The following ARHGEF9 variants were observed in gnomAD, a reference collection of about 807,000 sequenced individuals.
The protein encoded by ARHGEF9 is rho guanine nucleotide exchange factor 9.
Under a neutral mutation model 41.3 loss-of-function variants are expected in ARHGEF9, and 2 were observed. The ratio of observed to expected loss-of-function variants is 0.05; its 90% CI spans 0.02 to 0.15. The LOEUF (loss-of-function observed/expected upper bound fraction) is 0.15. Among genes scored for constraint, ARHGEF9 ranks in the 10% least tolerant of loss-of-function variants. The probability of loss-of-function intolerance (pLI) is 1.00; values close to 1 mark genes in which losing one functional copy is unlikely to be tolerated. For synonymous variants in ARHGEF9, 160 were observed against 154.4 expected, an observed-to-expected ratio of 1.04 and a Z score of -0.27; for missense variants, 225 against 424.7, an observed-to-expected ratio of 0.53 and a Z score of 4.13.
chrX:63,770,658 A>G (rs1187396337), intron 1 of ARHGEF9, among the ~76,000 whole-genome samples: 20 of 112,027 alleles, frequency 1.8e-4, no homozygotes, highest in African/African-American at 5.8e-4. Flanking sequence ...TAAAATTGTA[A>G]TAATCCCTAC....
chrX:63,694,419 A>G (rs1177886934), intron 4 of ARHGEF9, among the ~76,000 whole-genome samples: 12 of 112,466 alleles, frequency 1.1e-4, no homozygotes, highest in African/African-American at 3.6e-4. Context: ...GAATGTTCAT[A>G]GCAGCTTTAT....
intron 1 of ARHGEF9, among the ~76,000 whole-genome samples, chrX:63,766,070 C>T (rs1372503020): frequency 8.9e-6 from 1 of 112,390 alleles, no homozygotes; most frequent in Non-Finnish European, 1.9e-5. Context: ...GAATGTAAAA[C>T]TACCATATTA....
Position 63,785,150 on chromosome X carries a change from C to T in ARHGEF9, c.-5G>A. ...TCCGCCCCTTATCCACTGCATGGTG[C>T]TTGCGAAGTCCGGCTTCTCTGAGGC... On this transcript the variant is annotated 5_prime_UTR_variant, in exon 1 of 10. Transcript: ENST00000671741. 1 of 1,164,834 alleles carries T rather than the reference C, an allele frequency of 8.6e-7. No individual in the cohort carries two copies. Among genetic ancestry groups the T allele is most frequent in the Non-Finnish European group, 1.1e-6 (1 of 871,605 alleles).
chrX:63,650,954 C>A (rs1192167765), intron 8 of ARHGEF9, among the ~76,000 whole-genome samples: 1 of 108,525 alleles, frequency 9.2e-6, no homozygotes, highest in East Asian at 2.9e-4. Context: ...ATTAAAAATC[C>A]AGAGGAAATG....
chrX:63,709,851 C>T (rs2052794914), intron 2 of ARHGEF9, among the ~76,000 whole-genome samples: 1 of 111,449 alleles, frequency 9.0e-6, no homozygotes, highest in Non-Finnish European at 1.9e-5. Context: ...TCAAAAACTT[C>T]AGCAACAGTA....
At chrX:63,773,915 A>G in intron 1 of ARHGEF9, among the ~76,000 whole-genome samples, 1 of 110,452 alleles carries the variant, frequency 9.1e-6, no homozygotes, top group Non-Finnish European at 1.9e-5. Flanking sequence ...CATTCACACC[A>G]TCAGTTCTTC....
At chrX:63,650,789 T>A (rs1556328011) in intron 8 of ARHGEF9, among the ~76,000 whole-genome samples, 1 of 109,613 alleles carries the variant, frequency 9.1e-6, no homozygotes, top group African/African-American at 3.3e-5. Flanking sequence ...TATATATACA[T>A]AAAAAAGATC....
Position 63,754,219 on chromosome X carries a change from A to G in ARHGEF9, c.31-29508T>C, listed in dbSNP as rs782341756. The G allele has an allele frequency of 5.8e-6, 6 of 1,038,573 alleles. No homozygotes were observed. In the African/African-American group the frequency reaches 7.5e-5, roughly 13 times the overall value. The allele number at this position is 1,038,573 out of a possible 1,213,427, so 85.6% of individuals were successfully genotyped here. A position where few individuals can be genotyped will look rare whatever the true frequency, so the allele number is the denominator to read the frequency against. On this transcript the variant is annotated intron_variant, in intron 1 of 9. Coordinates refer to ENST00000671741, the MANE Select transcript of ARHGEF9 (RefSeq NM_001353921.2). ...AATAGAAAGCATTTCTTCATCAACAATTTCACTCAAGCAATAGGCAACTAT... is the reference window on the plus strand; with the variant it reads ...AATAGAAAGCATTTCTTCATCAACAGTTTCACTCAAGCAATAGGCAACTAT...
At chrX:63,714,234 C>G (rs189773385) in intron 2 of ARHGEF9, among the ~76,000 whole-genome samples, 41 of 111,447 alleles carry the variant, frequency 3.7e-4, no homozygotes, top group African/African-American at 1.3e-3. Flanking sequence ...CCTTCTAAAG[C>G]CTGCCCCCTA....
chrX:63,685,527 G>C (rs782045082), intron 4 of ARHGEF9, among the ~76,000 whole-genome samples: 1 of 111,798 alleles, frequency 8.9e-6, no homozygotes, highest in East Asian at 2.8e-4. Flanking sequence ...TTTTGAAAAA[G>C]AACTAAGTTG....
chrX:63,772,802 CTG>C (rs2056226331), intron 1 of ARHGEF9, among the ~76,000 whole-genome samples: 1 of 111,729 alleles, frequency 9.0e-6, no homozygotes, highest in African/African-American at 3.3e-5. Flanking sequence ...CCCTCTCTCA[CTG>C]TGTCAGTAAC....
chrX:63,657,166 T>G (rs2048926449), intron 7 of ARHGEF9: 2 of 112,500 alleles, frequency 1.8e-5, no homozygotes, highest in Non-Finnish European at 1.9e-5. Context: ...CTGCTTTATC[T>G]GCTCTTTCAG....
intron 1 of ARHGEF9, among the ~76,000 whole-genome samples, chrX:63,782,958 C>T (rs782804812): frequency 1.1e-4 from 12 of 112,738 alleles, no homozygotes; most frequent in Admixed American, 9.4e-4. Flanking sequence ...CTACTCCCAT[C>T]TCTTGAATTC....
chrX:63,751,722 A>G (rs1279073570), intron 1 of ARHGEF9, among the ~76,000 whole-genome samples: 2 of 112,063 alleles, frequency 1.8e-5, no homozygotes, highest in East Asian at 5.7e-4. Flanking sequence ...CCATCCCAGC[A>G]TTTGTGAAAT....
At position 63,754,433 on chromosome X, in the gene ARHGEF9, C is replaced by T. The variant is rs781918462; in HGVS notation, c.31-29722G>A. 6.0e-6 allele frequency: 7 copies of T among 1,161,135 alleles called. No individual in the cohort carries two copies. The South Asian group carries it at 1.4e-4, about 24-fold the overall frequency. ...ATTTTTTTTTTTTCTCGGTGGCTCT[C>T]GGGATGAAATCAAAGCGAGAGTTCG... On this transcript the variant is annotated intron_variant, in intron 1 of 9. Coordinates refer to ENST00000671741, the MANE Select transcript of ARHGEF9 (RefSeq NM_001353921.2).
intron 6 of ARHGEF9, among the ~76,000 whole-genome samples, chrX:63,668,594 A>C (rs2049732344): frequency 8.9e-6 from 1 of 112,272 alleles, no homozygotes; most frequent in Admixed American, 9.5e-5. Flanking sequence ...GGATAATAAC[A>C]GTACCAACTT....
At chrX:63,655,974 A>G (rs1162247613) in intron 7 of ARHGEF9, among the ~76,000 whole-genome samples, 24 of 112,133 alleles carry the variant, frequency 2.1e-4, no homozygotes. Flanking sequence ...CACCAGAATC[A>G]ATCCTTGGAC....
intron 1 of ARHGEF9, among the ~76,000 whole-genome samples, chrX:63,771,595 C>T (rs2056206066): frequency 9.1e-6 from 1 of 110,137 alleles, no homozygotes; most frequent in Admixed American, 9.7e-5. Flanking sequence ...GAGACAGAGT[C>T]TCATTCCATC....
rs782292224 is a variant in ARHGEF9 at position 63,655,350 on chromosome X, G to T, written c.1321+144C>A. 2.1e-5 allele frequency: 19 copies of T among 889,560 alleles called. No homozygotes were observed. The highest frequency in any genetic ancestry group is 5.1e-5 in the Admixed American group (2 of 39,456). The allele number at this position is 889,560 out of a possible 1,213,427, so 73.3% of individuals were successfully genotyped here. A position where few individuals can be genotyped will look rare whatever the true frequency, so the allele number is the denominator to read the frequency against. On this transcript the variant is annotated intron_variant, in intron 8 of 9. Coordinates refer to ENST00000671741, the MANE Select transcript of ARHGEF9 (RefSeq NM_001353921.2). ...GGAAGCTATTGGTACTTACCAAAAA[G>T]AACCTAATAATAAGGAACCACCAAA...
Sources: gnomAD v4.1 joint callset for allele counts (sites outside exome capture counted in the v4.1 genomes callset) on GRCh38, gnomAD v4.1.1 for gene constraint, MANE v1.5 for transcripts, NCBI Gene and HGNC (gene_info 2026-07-23, HGNC 2026-07-21) for gene names.